ROCK1: variants seen among roughly 807,000 people sequenced by gnomAD.
ROCK1 encodes the protein Rho associated coiled-coil containing protein kinase 1, also known as rho-associated protein kinase 1.
Under a neutral mutation model 196.8 loss-of-function variants are expected in ROCK1, and 36 were observed. The ratio of observed to expected loss-of-function variants is 0.18; its 90% CI spans 0.14 to 0.24. ROCK1 has a LOEUF of 0.24. ROCK1 is among the 10% of genes least tolerant of loss of function. The probability of loss-of-function intolerance (pLI) is 1.00; values close to 1 mark genes in which losing one functional copy is unlikely to be tolerated. For missense variants in ROCK1, 920 were observed against 1,562.0 expected (o/e 0.59, Z 6.93); for synonymous variants, 443 against 515.9 (o/e 0.86, Z 1.91).
At position 20,953,637 on chromosome 18, in the gene ROCK1, T is replaced by C. The variant is rs2035212304; in HGVS notation, c.4002A>G (p.Thr1334=). The C allele has an allele frequency of 1.9e-5, 31 of 1,612,360 alleles. No individual in the cohort carries two copies. Among genetic ancestry groups the C allele is most frequent in the East Asian group, 1.3e-4 (6 of 44,824 alleles). ...FVRASPRTLS[T]RSTANQSFRK... ...GGAAAGACTGATTTGCAGTGGATCT[T>C]GTAGAAAGCGTTCGAGGGGAAGCAC... Residue 1334 remains threonine, a synonymous_variant, in exon 32 of 33, where the codon ACA becomes ACG. Coordinates refer to ENST00000399799, the MANE Select transcript of ROCK1 (RefSeq NM_005406.3).
At chr18:21,060,997 G>A (rs368553920) in intron 2 of ROCK1, among the ~76,000 whole-genome samples, 8 of 152,034 alleles carry the variant, frequency 5.3e-5, no homozygotes, top group African/African-American at 1.9e-4. Context: ...TCAATAGAAG[G>A]TTGCTCTGCA....
In ROCK1 at chr18:20,948,039, G is replaced by A. The variant is rs2036865101; in HGVS notation, c.*3345C>T. On this transcript the variant is annotated 3_prime_UTR_variant, in exon 33 of 33. Coordinates refer to ENST00000399799, the MANE Select transcript of ROCK1 (RefSeq NM_005406.3). ...GCAGGAGGATCACTTGAACCTGGGA[G>A]GCGGAGGTTGCAGTGAGCCGAGATC... 6.6e-6 allele frequency: 1 copy of A among 152,126 alleles called. No homozygotes were observed. Among genetic ancestry groups the A allele is most frequent in the African/African-American group, 2.4e-5 (1 of 41,434 alleles). The allele number at this position is 152,126 out of a possible 1,614,324, so 9.4% of individuals were successfully genotyped here.
At chr18:20,982,908 G>C in intron 20 of ROCK1, 76 bp from the exon 21 acceptor site, 1 of 665,274 alleles carries the variant, frequency 1.5e-6, no homozygotes, top group East Asian at 2.7e-5. Context: ...GTTTGTTAAA[G>C]TTGCTAATAT....
At chr18:21,008,718 G>C (rs1473910018) in intron 13 of ROCK1, among the ~76,000 whole-genome samples, 2 of 152,208 alleles carry the variant, frequency 1.3e-5, no homozygotes, top group Non-Finnish European at 2.9e-5. Context: ...TCTTTAAGCA[G>C]AAATTGGACA....
At chr18:21,054,543 C>A (rs2036231306) in intron 2 of ROCK1, among the ~76,000 whole-genome samples, 1 of 152,048 alleles carries the variant, frequency 6.6e-6, no homozygotes, top group Non-Finnish European at 1.5e-5. Flanking sequence ...CCCACATCCC[C>A]ACCCCTAAAT....
intron 1 of ROCK1, among the ~76,000 whole-genome samples, chr18:21,080,436 C>T (rs2143568822): frequency 6.6e-6 from 1 of 152,130 alleles, no homozygotes; most frequent in East Asian, 1.9e-4. Context: ...ATGAGAATGT[C>T]AACAAAGAGA....
chr18:20,984,861 C>T (rs1472133456), intron 19 of ROCK1, among the ~76,000 whole-genome samples: 2 of 152,090 alleles, frequency 1.3e-5, no homozygotes, highest in Non-Finnish European at 2.9e-5. Context: ...TGTCTGTAAT[C>T]CCAGCACTTT....
chr18:21,021,612 A>G (rs571393148), intron 11 of ROCK1, among the ~76,000 whole-genome samples: 1 of 152,300 alleles, frequency 6.6e-6, no homozygotes, highest in East Asian at 1.9e-4. Flanking sequence ...GTTCAATAGC[A>G]TCTCTGCTAG....
chr18:21,089,750 T>C (rs528786043), intron 1 of ROCK1, among the ~76,000 whole-genome samples: 1 of 152,152 alleles, frequency 6.6e-6, no homozygotes, highest in Non-Finnish European at 1.5e-5. Flanking sequence ...GTGTCAAATA[T>C]CTCATGTAAT....
intron 22 of ROCK1, among the ~76,000 whole-genome samples, chr18:20,977,537 T>C (rs559223760): frequency 5.6e-4 from 86 of 152,352 alleles, no homozygotes; most frequent in African/African-American, 2.0e-3. Context: ...ATAGCCACTA[T>C]ACCTTGATTA....
intron 11 of ROCK1, among the ~76,000 whole-genome samples, chr18:21,023,343 T>C: frequency 6.6e-6 from 1 of 152,198 alleles, no homozygotes; most frequent in Non-Finnish European, 1.5e-5. Flanking sequence ...GATACATTGA[T>C]ATATCATAGT....
In ROCK1 at chr18:20,991,577, A is replaced by C. The variant is rs549543187; in HGVS notation, c.1993-251T>G. 2.0e-5 allele frequency among the ~76,000 whole-genome samples: 3 copies of C among 152,288 alleles called. No homozygotes were observed. In the South Asian group the frequency reaches 6.2e-4, roughly 32 times the overall value. The stretch of plus-strand genomic sequence containing the variant: ...AGGACAGTTCATTGCTAAGATCGGA[A>C]ATGAATAAGACAAATTTTCAGTTTA... On this transcript the variant is annotated intron_variant, in intron 17 of 32. Transcript: ENST00000399799.
intron 8 of ROCK1, among the ~76,000 whole-genome samples, chr18:21,041,270 T>TAA (rs780115669): frequency 5.8e-4 from 61 of 105,142 alleles, no homozygotes; most frequent in African/African-American, 1.7e-3. Flanking sequence ...TGTCTCTATT[T>TAA]AAAAAAAAAA....
chr18:20,982,878 C>G, intron 20 of ROCK1, 46 bp from the exon 21 acceptor site: 1 of 805,214 alleles, frequency 1.2e-6, no homozygotes, highest in Non-Finnish European at 2.1e-6. Flanking sequence ...CCTACTTATA[C>G]TAGACTTCAT....
intron 10 of ROCK1, 80 bp downstream of exon 10, chr18:21,028,696 T>C: frequency 7.9e-7 from 1 of 1,267,514 alleles, no homozygotes; most frequent in Non-Finnish European, 1.1e-6. Flanking sequence ...TAGCATTAAA[T>C]CTACTTTAAA....
chr18:21,006,629 C>T (rs368979469), intron 15 of ROCK1, 32 bp from the exon 16 acceptor site: 1 of 1,602,164 alleles, frequency 6.2e-7, no homozygotes, highest in African/African-American at 1.4e-5. Flanking sequence ...AAATAGGTTT[C>T]TGACCAAAGT....
At chr18:21,034,863 A>C (rs1031110096) in intron 9 of ROCK1, among the ~76,000 whole-genome samples, 2 of 152,230 alleles carry the variant, frequency 1.3e-5, no homozygotes, top group African/African-American at 4.8e-5. Context: ...AAATATCTGC[A>C]AACCATGTAT....
intron 20 of ROCK1, among the ~76,000 whole-genome samples, chr18:20,984,143 A>G (rs2035557513): frequency 6.6e-6 from 1 of 152,214 alleles, no homozygotes; most frequent in Non-Finnish European, 1.5e-5. Flanking sequence ...TTTTGTGGAC[A>G]TGAAAATCAG....
At chr18:21,051,103 C>G (rs2036200317) in intron 2 of ROCK1, among the ~76,000 whole-genome samples, 1 of 151,990 alleles carries the variant, frequency 6.6e-6, no homozygotes, top group Admixed American at 6.6e-5. Context: ...ATGATGGTAC[C>G]TGAAAAAAGT....
Sources: allele counts gnomAD v4.1 joint callset (sites outside exome capture counted in the v4.1 genomes callset), GRCh38; gene constraint gnomAD v4.1.1; transcripts MANE v1.5; gene names NCBI Gene and HGNC (gene_info 2026-07-23, HGNC 2026-07-21).